The following LRP8 variants were observed in gnomAD, a reference collection of about 807,000 sequenced individuals.
LRP8 encodes LDL receptor related protein 8, also known as low-density lipoprotein receptor-related protein 8.
Under a neutral mutation model 111.6 loss-of-function variants are expected in LRP8, and 46 were observed. The ratio of observed to expected loss-of-function variants is 0.41; its 90% CI spans 0.33 to 0.53. The LOEUF (loss-of-function observed/expected upper bound fraction) is 0.53, where lower values mean the gene tolerates loss of function less well. LRP8 is among the 20% of genes least tolerant of loss of function. The probability of loss-of-function intolerance (pLI) is 0.20; values close to 1 mark genes in which losing one functional copy is unlikely to be tolerated. For missense variants in LRP8, 959 were observed against 1,297.4 expected (o/e 0.74, Z 4.01); for synonymous variants, 464 against 511.2 (o/e 0.91, Z 1.24).
intron 2 of LRP8, among the ~76,000 whole-genome samples, chr1:53,301,856 G>A (rs186469261): frequency 1.9e-3 from 292 of 152,296 alleles, no homozygotes; most frequent in Non-Finnish European, 3.7e-3. Context: ...TTCCTTCAGA[G>A]AGTCTATAGC....
At chr1:53,310,944 C>T (rs1288480) in intron 2 of LRP8, among the ~76,000 whole-genome samples, 63,511 of 152,010 alleles carry the variant, frequency 0.42, 14,241 homozygotes, top group East Asian at 0.69. Flanking sequence ...GGTGCCAAAT[C>T]GACCCCGGGT....
At chr1:53,327,149 C>T (rs72897409) in intron 1 of LRP8, 157 bp from the exon 2 acceptor site, 16,393 of 1,007,496 alleles carry the variant, frequency 0.016, 530 homozygotes, top group African/African-American at 0.1. Flanking sequence ...AGGGAGGGCA[C>T]GATGGCAGGG....
chr1:53,308,399 G>A (rs562068829), intron 2 of LRP8, among the ~76,000 whole-genome samples: 1 of 152,286 alleles, frequency 6.6e-6, no homozygotes, highest in East Asian at 1.9e-4. Flanking sequence ...GAGGATCCTG[G>A]GGGGTTCAGG....
At position 53,276,828 on chromosome 1, in the gene LRP8, G is replaced by T; in HGVS notation, c.747C>A (p.Gly249=). ...DEAAELCGRP[G]PGATSAPAAC... is the part of the protein sequence containing the mutation. ...CGGCGGGCGCGGACGTGGCCCCGGG[G>T]CCCGGACGGCCGCAGAGCTCGGCTG... Residue 249 remains glycine (G), a synonymous_variant, in exon 5 of 19, where the codon GGC becomes GGA. Transcript: ENST00000306052. 1 of 1,271,758 alleles carries T rather than the reference G, an allele frequency of 7.9e-7. No individual in the cohort carries two copies. The allele number at this position is 1,271,758 out of a possible 1,614,324, so 78.8% of individuals were successfully genotyped here.
intron 2 of LRP8, among the ~76,000 whole-genome samples, chr1:53,316,618 A>T (rs1653841925): frequency 6.6e-6 from 1 of 152,126 alleles, no homozygotes. Context: ...GCCATGGCAG[A>T]CTCCCACCAT....
At chr1:53,309,873 A>G (rs77527527) in intron 2 of LRP8, among the ~76,000 whole-genome samples, 244 of 152,170 alleles carry the variant, frequency 1.6e-3, no homozygotes, top group African/African-American at 5.5e-3. Flanking sequence ...CGTTATTCAT[A>G]TGAATGGGAG....
intron 3 of LRP8, among the ~76,000 whole-genome samples, chr1:53,282,922 A>T (rs555092803): frequency 6.6e-6 from 1 of 152,156 alleles, no homozygotes; most frequent in African/African-American, 2.4e-5. Flanking sequence ...TCCCTAAGCC[A>T]GGCCTCAGGA....
intron 10 of LRP8, 139 bp downstream of exon 10, chr1:53,264,029 GA>G (rs1646450000): frequency 2.5e-6 from 2 of 786,296 alleles, no homozygotes; most frequent in South Asian, 3.5e-5. Flanking sequence ...CTTGGTTGGG[GA>G]TTAACAAGAC....
At chr1:53,322,177 T>C (rs1654603740) in intron 2 of LRP8, among the ~76,000 whole-genome samples, 2 of 151,916 alleles carry the variant, frequency 1.3e-5, no homozygotes, top group Admixed American at 6.5e-5. Flanking sequence ...TGTGACCTCA[T>C]TTAATCCTCA....
At chr1:53,256,958 A>G (rs1385173474) in intron 15 of LRP8, among the ~76,000 whole-genome samples, 1 of 152,210 alleles carries the variant, frequency 6.6e-6, no homozygotes, top group African/African-American at 2.4e-5. Context: ...TATCATGGCA[A>G]TCTTGTGAAG....
In LRP8 at chr1:53,262,789, G is replaced by A. The variant is rs1646395050; in HGVS notation, c.1656-225C>T. The stretch of plus-strand genomic sequence containing the variant: ...AAACTATTCTCCGAGATTGCACCCA[G>A]ACTCAGCTGAATAGCCTGTGACCCC... On this transcript the variant is annotated intron_variant, in intron 10 of 18. Transcript: ENST00000306052. The surrounding 1 kb of genome is among the most constrained non-coding windows in gnomAD (Gnocchi z 4.8). Among the ~76,000 whole-genome samples the A allele has an allele frequency of 6.6e-6, 1 of 152,202 alleles. No homozygotes were observed.
chr1:53,296,238 C>A (rs912736723), intron 2 of LRP8, among the ~76,000 whole-genome samples: 1 of 152,216 alleles, frequency 6.6e-6, no homozygotes, highest in Admixed American at 6.5e-5. Flanking sequence ...TCTCTGAAGG[C>A]AGAGCAGCGA....
chr1:53,278,953 G>A (rs1647019364), intron 4 of LRP8, among the ~76,000 whole-genome samples: 1 of 150,328 alleles, frequency 6.7e-6, no homozygotes, highest in South Asian at 2.1e-4. Flanking sequence ...TAGAGGTGGG[G>A]TTTCACCATG....
chr1:53,281,170 T>C (rs1167906333), intron 3 of LRP8, among the ~76,000 whole-genome samples: 1 of 152,142 alleles, frequency 6.6e-6, no homozygotes, highest in African/African-American at 2.4e-5. Flanking sequence ...ACCTGTAAAT[T>C]TGGAGGGCTC....
chr1:53,306,483 C>T (rs540572762), intron 2 of LRP8, among the ~76,000 whole-genome samples: 1 of 152,346 alleles, frequency 6.6e-6, no homozygotes, highest in South Asian at 2.1e-4. Context: ...GGCCAGGAGG[C>T]CTGGGTTTTG....
intron 2 of LRP8, among the ~76,000 whole-genome samples, chr1:53,302,577 C>A (rs756807246): frequency 3.9e-5 from 6 of 152,082 alleles, no homozygotes. Flanking sequence ...CTCAGTTTGG[C>A]TATAGACTCT....
rs1466827106 is a variant in LRP8, at chr1:53,262,296, G to A, written c.1775-89C>T. ...TACCTCTCCCTGCCCACATTTCTAG[G>A]CCTCACACTGAGGCCAGCCTACGGC... On this transcript the variant is annotated intron_variant, in intron 11 of 18. Transcript: ENST00000306052. The surrounding 1 kb of genome is among the most constrained non-coding windows in gnomAD (Gnocchi z 4.8). The A allele has an allele frequency of 8.9e-6, 14 of 1,568,312 alleles. No homozygotes were observed. In the Admixed American group the frequency reaches 2.4e-4, roughly 27 times the overall value.
At chr1:53,306,562 G>A (rs548661760) in intron 2 of LRP8, among the ~76,000 whole-genome samples, 9 of 152,158 alleles carry the variant, frequency 5.9e-5, no homozygotes, top group African/African-American at 1.4e-4. Context: ...GGGCCTCAGC[G>A]TCAACACCAG....
intron 2 of LRP8, among the ~76,000 whole-genome samples, chr1:53,321,331 G>A (rs1208021587): frequency 6.6e-6 from 1 of 152,098 alleles, no homozygotes; most frequent in Non-Finnish European, 1.5e-5. Context: ...GCATTTGGGG[G>A]GCAGGTGCTA....
Sources: gnomAD v4.1 joint callset for allele counts (sites outside exome capture counted in the v4.1 genomes callset) on GRCh38, gnomAD v4.1.1 for gene constraint, Gnocchi (gnomAD v3.1) non-coding constraint, MANE v1.5 for transcripts, NCBI Gene and HGNC (gene_info 2026-07-23, HGNC 2026-07-21) for gene names.